Variants in NPAS3 observed in about 807,000 individuals in gnomAD.
The protein encoded by NPAS3 is neuronal PAS domain-containing protein 3.
NPAS3 carries 14 observed loss-of-function variants against 73.1 expected under a neutral mutation model. The observed-to-expected ratio is 0.19, with a 90% CI of 0.13 to 0.30. The LOEUF (loss-of-function observed/expected upper bound fraction) is 0.30, where lower values mean the gene tolerates loss of function less well. Among genes scored for constraint, NPAS3 ranks in the 10% least tolerant of loss-of-function variants. The pLI is 1.00. For missense variants in NPAS3, 1,096 were observed against 1,250.0 expected (o/e 0.88, Z 1.86); for synonymous variants, 620 against 541.5 (o/e 1.14, Z -2.01).
rs774193700 is a variant in NPAS3 at position 33,753,080 on chromosome 14, G to A, written c.852+17748G>A. 1.1e-4 allele frequency among the ~76,000 whole-genome samples: 16 copies of A among 152,240 alleles called. No homozygotes were observed. The South Asian group carries it at 3.1e-3, about 30-fold the overall frequency. On this transcript the variant is annotated intron_variant, in intron 7 of 11. Transcript: ENST00000356141. Reference sequence around the variant, plus strand: ...TACGGCTGATTCTTCTTAAAGAACAGTTCATTAGTGTGCTTCGAGAAGTGT... The same window carrying A: ...TACGGCTGATTCTTCTTAAAGAACAATTCATTAGTGTGCTTCGAGAAGTGT...
chr14:33,302,189 C>T (rs1436264469), intron 3 of NPAS3, among the ~76,000 whole-genome samples: 3 of 152,118 alleles, frequency 2.0e-5, no homozygotes, highest in Admixed American at 1.3e-4. Flanking sequence ...TTGCATACAA[C>T]AACTTGTATG....
chr14:33,108,324 G>T (rs187356853), intron 2 of NPAS3, among the ~76,000 whole-genome samples: 28 of 151,670 alleles, frequency 1.8e-4, no homozygotes, highest in African/African-American at 6.3e-4. Context: ...CTCCCAAGTA[G>T]CTGGGACTAC....
upstream of NPAS3, among the ~76,000 whole-genome samples, chr14:32,935,205 A>G (rs959292554): frequency 6.6e-6 from 1 of 152,204 alleles, no homozygotes; most frequent in South Asian, 2.1e-4. Flanking sequence ...TGGCGAAGTG[A>G]AATCATCCTT....
chr14:33,282,793 T>A (rs913245882), intron 3 of NPAS3, among the ~76,000 whole-genome samples: 1 of 152,296 alleles, frequency 6.6e-6, no homozygotes, highest in African/African-American at 2.4e-5. Flanking sequence ...ATGACTATTA[T>A]TTCAGTCCAT....
At chr14:33,473,527 T>C (rs2050883060) in intron 4 of NPAS3, among the ~76,000 whole-genome samples, 2 of 152,334 alleles carry the variant, frequency 1.3e-5, no homozygotes, top group South Asian at 4.1e-4. Flanking sequence ...ACTTACTAAG[T>C]GTCATGCATG....
chr14:32,950,097 C>T (rs983820477), intron 1 of NPAS3, among the ~76,000 whole-genome samples: 4 of 151,980 alleles, frequency 2.6e-5, no homozygotes, highest in East Asian at 1.9e-4. Context: ...TTTAAACATC[C>T]GTTAGTTACT....
intron 1 of NPAS3, among the ~76,000 whole-genome samples, chr14:32,975,868 T>C (rs1264989719): frequency 1.0e-5 from 1 of 100,010 alleles, no homozygotes; most frequent in Non-Finnish European, 2.5e-5. Context: ...GGCGTGTGTG[T>C]GTGTGTGTGT....
At chr14:33,764,165 A>G (rs1291615574) in intron 7 of NPAS3, among the ~76,000 whole-genome samples, 2 of 152,162 alleles carry the variant, frequency 1.3e-5, no homozygotes, top group East Asian at 1.9e-4. Context: ...TGGGGAGGCT[A>G]TCCTTCCGTG....
At chr14:33,410,045 T>G (rs2047853187) in intron 4 of NPAS3, among the ~76,000 whole-genome samples, 1 of 152,180 alleles carries the variant, frequency 6.6e-6, no homozygotes, top group Non-Finnish European at 1.5e-5. Flanking sequence ...TTGAGTTGAT[T>G]TTTTTAAATC....
chr14:33,330,170 G>A (rs1219214790), intron 3 of NPAS3, among the ~76,000 whole-genome samples: 3 of 152,022 alleles, frequency 2.0e-5, no homozygotes, highest in Non-Finnish European at 4.4e-5. Flanking sequence ...CTGAACCTGG[G>A]AGGCAGAAGC....
chr14:33,079,005 T>C (rs1335740385), intron 2 of NPAS3, among the ~76,000 whole-genome samples: 1 of 152,226 alleles, frequency 6.6e-6, no homozygotes, highest in Non-Finnish European at 1.5e-5. Context: ...AGTAAATGCA[T>C]AACTGCTGTT....
chr14:33,379,939 CAA>C (rs1434504824), intron 4 of NPAS3, among the ~76,000 whole-genome samples: 1 of 150,096 alleles, frequency 6.7e-6, no homozygotes, highest in East Asian at 2.0e-4. Flanking sequence ...TTTTTAAAGA[CAA>C]AGATTATTAC....
At chr14:33,157,061 G>A (rs1293152136) in intron 2 of NPAS3, among the ~76,000 whole-genome samples, 1 of 152,110 alleles carries the variant, frequency 6.6e-6, no homozygotes, top group Non-Finnish European at 1.5e-5. Context: ...AATTTAGAAA[G>A]GGGAAAAAGA....
intron 5 of NPAS3, among the ~76,000 whole-genome samples, chr14:33,599,553 T>C (rs989434427): frequency 7.2e-5 from 11 of 152,232 alleles, no homozygotes; most frequent in African/African-American, 2.7e-4. Flanking sequence ...ACAGATTTAA[T>C]TAAATCCTTT....
At chr14:33,549,492 C>G (rs776629687) in intron 4 of NPAS3, among the ~76,000 whole-genome samples, 1 of 152,110 alleles carries the variant, frequency 6.6e-6, no homozygotes, top group Non-Finnish European at 1.5e-5. Context: ...CCTCGGCCTT[C>G]TAATGTGCTA....
At chr14:33,563,513 T>TACACAC (rs1555413073) in intron 5 of NPAS3, among the ~76,000 whole-genome samples, 1 of 25,772 alleles carries the variant, frequency 3.9e-5, no homozygotes. Flanking sequence ...CAGATACACA[T>TACACAC]ACATACACAC....
At chr14:33,536,412 A>T (rs755975761) in intron 4 of NPAS3, among the ~76,000 whole-genome samples, 3 of 152,238 alleles carry the variant, frequency 2.0e-5, no homozygotes, top group Non-Finnish European at 4.4e-5. Context: ...GTCATAATTT[A>T]TGACTGTGCA....
At chr14:33,717,230 C>CAAAA (rs35800734) in intron 6 of NPAS3, among the ~76,000 whole-genome samples, 22 of 102,218 alleles carry the variant, frequency 2.2e-4, no homozygotes, top group African/African-American at 6.2e-4. Flanking sequence ...TGATCATGGC[C>CAAAA]AAAAAAAAAA....
chr14:33,649,972 C>T (rs926892735), intron 5 of NPAS3, among the ~76,000 whole-genome samples: 2 of 152,166 alleles, frequency 1.3e-5, no homozygotes, highest in Non-Finnish European at 2.9e-5. Context: ...CAACCAATAG[C>T]TTTCAGACTT....
Sources: gnomAD v4.1 joint callset for allele counts (sites outside exome capture counted in the v4.1 genomes callset) on GRCh38, gnomAD v4.1.1 for gene constraint, MANE v1.5 for transcripts, NCBI Gene and HGNC (gene_info 2026-07-23, HGNC 2026-07-21) for gene names.